PSPH: variants seen among roughly 807,000 people sequenced by gnomAD.
The protein encoded by PSPH is L-3-phosphoserine phosphatase.
In PSPH, 16 loss-of-function variants were observed where a neutral mutation model predicts 23.4. That is an observed-to-expected ratio of 0.68 (90% CI 0.46 to 1.04). The LOEUF is 1.04. Ranked by LOEUF, PSPH falls within the 50% of genes least tolerant of loss-of-function variation. The pLI, the probability that PSPH is intolerant of heterozygous loss-of-function variation, is 0.00. For missense variants in PSPH, 223 were observed against 273.7 expected, an observed-to-expected ratio of 0.81 and a Z score of 1.31; for synonymous variants, 68 against 99.7, an observed-to-expected ratio of 0.68 and a Z score of 1.89.
At chr7:56,022,654 A>C (rs753157773) in intron 3 of PSPH, among the ~76,000 whole-genome samples, 2 of 152,228 alleles carry the variant, frequency 1.3e-5, no homozygotes, top group Non-Finnish European at 2.9e-5. Context: ...TAACTTCCAG[A>C]TACTGGGAAA....
chr7:56,021,024 C>T lies in PSPH; in HGVS notation c.140+49G>A, dbSNP rs537797075. The T allele has an allele frequency of 1.7e-5, 24 of 1,404,864 alleles. No individual in the cohort carries two copies. The East Asian group carries it at 5.7e-4, about 33-fold the overall frequency. 87.0% of individuals were successfully genotyped at this position (1,404,864 alleles called of 1,614,324 possible). On this transcript the variant is annotated intron_variant, in intron 4 of 7. Coordinates refer to ENST00000275605, the MANE Select transcript of PSPH (RefSeq NM_004577.4). ...TAGCACTTCATCCAAAACAGTCACTCTTTAGAAAGTCTTTATCATTTCATA... is the reference window on the plus strand; with the variant it reads ...TAGCACTTCATCCAAAACAGTCACTTTTTAGAAAGTCTTTATCATTTCATA...
chr7:56,043,531 T>A (rs931577094), intron 1 of PSPH, among the ~76,000 whole-genome samples: 16 of 151,656 alleles, frequency 1.1e-4, no homozygotes, highest in Non-Finnish European at 1.6e-4. Flanking sequence ...TTTAAAGATA[T>A]AGAGGCTGGG....
At chr7:56,016,631 C>T (rs1178741959) in intron 6 of PSPH, among the ~76,000 whole-genome samples, 21 of 151,816 alleles carry the variant, frequency 1.4e-4, no homozygotes, top group South Asian at 2.1e-4. Context: ...AGTGCAGTGG[C>T]GAGATCTCAG....
chr7:56,029,820 T>G (rs1790698684), intron 3 of PSPH, among the ~76,000 whole-genome samples: 1 of 151,844 alleles, frequency 6.6e-6, no homozygotes, highest in East Asian at 1.9e-4. Flanking sequence ...TAGGGATAAA[T>G]TTGTTCAGGT....
intron 1 of PSPH, among the ~76,000 whole-genome samples, chr7:56,044,728 A>C (rs1048999023): frequency 6.6e-6 from 1 of 151,298 alleles, no homozygotes; most frequent in African/African-American, 2.4e-5. Flanking sequence ...TGAGCCCAGG[A>C]GTTAAAAGCT....
In PSPH at chr7:56,028,102, T is replaced by C. The variant is rs536430513; in HGVS notation, c.-20+3827A>G. Among the ~76,000 whole-genome samples, 14 of 151,722 alleles carry C rather than the reference T, an allele frequency of 9.2e-5. No homozygotes were observed. In the South Asian group the frequency reaches 2.9e-3, roughly 32 times the overall value. ...CTTGAGTTTGAAAGGAAAGGTACATTTCCTCCACTAAAAGTGAGAACTGAT... is the reference window on the plus strand; with the variant it reads ...CTTGAGTTTGAAAGGAAAGGTACATCTCCTCCACTAAAAGTGAGAACTGAT... On this transcript the variant is annotated intron_variant, in intron 3 of 7. Transcript: ENST00000275605.
At chr7:56,015,819 A>G (rs1303781929) in intron 6 of PSPH, among the ~76,000 whole-genome samples, 2 of 151,566 alleles carry the variant, frequency 1.3e-5, no homozygotes, top group Admixed American at 6.6e-5. Flanking sequence ...CCACCACACC[A>G]GCTAAGTTTT....
intron 1 of PSPH, among the ~76,000 whole-genome samples, chr7:56,048,368 T>G (rs1793533831): frequency 6.6e-6 from 1 of 150,924 alleles, no homozygotes; most frequent in Non-Finnish European, 1.5e-5. Flanking sequence ...CTGGCCAGTA[T>G]TCAAAAAAAT....
intron 3 of PSPH, among the ~76,000 whole-genome samples, chr7:56,022,753 T>C (rs922815699): frequency 3.9e-5 from 6 of 152,092 alleles, no homozygotes; most frequent in Non-Finnish European, 8.8e-5. Flanking sequence ...GTTGAAGACA[T>C]GGTCTGATTA....
chr7:56,043,766 T>C (rs991113898), intron 1 of PSPH, among the ~76,000 whole-genome samples: 1 of 151,114 alleles, frequency 6.6e-6, no homozygotes, highest in African/African-American at 2.4e-5. Context: ...GGGTGGAAGC[T>C]GCAGTGAGCT....
chr7:56,021,415 T>A (rs1319012989), intron 3 of PSPH, among the ~76,000 whole-genome samples, 184 bp from the exon 4 acceptor site: 2 of 63,814 alleles, frequency 3.1e-5, no homozygotes, highest in Non-Finnish European at 5.4e-5. Context: ...AGTTTCTTCT[T>A]TCTTTCTTTC....
At chr7:56,034,258 G>GA (rs1248133756) in intron 1 of PSPH, 152 bp from the exon 2 acceptor site, 2 of 152,216 alleles carry the variant, frequency 1.3e-5, no homozygotes, top group Admixed American at 1.3e-4. Flanking sequence ...CTCCTCCGGG[G>GA]GCTCAGCCCC....
chr7:56,021,609 GT>G (rs11412043), intron 3 of PSPH, among the ~76,000 whole-genome samples: 79 of 142,642 alleles, frequency 5.5e-4, no homozygotes, highest in Admixed American at 1.2e-3. Context: ...ATATATAGTT[GT>G]TTTTTTTTTT....
Position 56,011,745 on chromosome 7 carries a change from C to G in PSPH, c.*17G>C, listed in dbSNP as rs780976901. The G allele has an allele frequency of 7.0e-6, 11 of 1,579,056 alleles. No homozygotes were observed. Among genetic ancestry groups the G allele is most frequent in the Non-Finnish European group, 9.6e-6 (11 of 1,148,244 alleles). On this transcript the variant is annotated 3_prime_UTR_variant, in exon 8 of 8. Transcript: ENST00000275605. ...AAAATTCATCTGAAGTTGTTTGGAG[C>G]TGTACGACAATGGATGTTATTCTTC...
intron 1 of PSPH, among the ~76,000 whole-genome samples, chr7:56,040,946 A>T (rs1792447095): frequency 6.6e-6 from 1 of 152,082 alleles, no homozygotes; most frequent in Admixed American, 6.6e-5. Flanking sequence ...CCCAAGGGGT[A>T]AAGGGCATCT....
chr7:56,017,071 C>T (rs988681573), intron 6 of PSPH, among the ~76,000 whole-genome samples, 163 bp downstream of exon 6: 1 of 152,074 alleles, frequency 6.6e-6, no homozygotes, highest in Non-Finnish European at 1.5e-5. Flanking sequence ...GTCTATTTTG[C>T]TGAGCAAAGG....
rs535145621 is a variant in PSPH at position 56,030,848 on chromosome 7, G to A, written c.-20+1081C>T. Among the ~76,000 whole-genome samples the A allele has an allele frequency of 5.3e-5, 8 of 151,238 alleles. No individual in the cohort carries two copies. The South Asian group carries it at 1.5e-3, about 28-fold the overall frequency. On this transcript the variant is annotated intron_variant, in intron 3 of 7. Coordinates refer to ENST00000275605, the MANE Select transcript of PSPH (RefSeq NM_004577.4). ...TTGGAGGTGGAGGTTGCAGTGAGCCGAGATCACACCATTGTACTCCAGCCT... is the reference window on the plus strand; with the variant it reads ...TTGGAGGTGGAGGTTGCAGTGAGCCAAGATCACACCATTGTACTCCAGCCT...
intron 3 of PSPH, among the ~76,000 whole-genome samples, chr7:56,031,228 A>C (rs569894433): frequency 7.9e-4 from 120 of 151,814 alleles, no homozygotes; most frequent in East Asian, 2.7e-3. Flanking sequence ...AAAAAAAAAA[A>C]AAACAAACAA....
chr7:56,015,112 C>G lies in PSPH; in HGVS notation c.481G>C (p.Val161Leu). 1.2e-6 allele frequency: 2 copies of G among 1,614,056 alleles called. No homozygotes were observed. Among genetic ancestry groups the G allele is most frequent in the South Asian group, 2.2e-5 (2 of 91,064 alleles). Residue 161 changes from valine (V) to leucine (L), a missense_variant, in exon 7 of 8, where the codon GTG (valine) becomes CTG (leucine). Coordinates refer to ENST00000275605, the MANE Select transcript of PSPH (RefSeq NM_004577.4). ...AATTTTTCCTTTAAAAGTTTAATCACTTTTCCTTTTCCACCAGATTCAGCT... is the reference window on the plus strand; with the variant it reads ...AATTTTTCCTTTAAAAGTTTAATCAGTTTTCCTTTTCCACCAGATTCAGCT... ...PTAESGGKGKVIKLLKEKFHF... is the reference protein window; with the variant it reads ...PTAESGGKGKLIKLLKEKFHF...
Sources: gnomAD v4.1 joint callset for allele counts (sites outside exome capture counted in the v4.1 genomes callset) on GRCh38, gnomAD v4.1.1 for gene constraint, MANE v1.5 for transcripts, NCBI Gene and HGNC (gene_info 2026-07-23, HGNC 2026-07-21) for gene names.